The following SORCS1 variants were observed in gnomAD, a reference collection of about 807,000 sequenced individuals.
The protein encoded by SORCS1 is VPS10 domain-containing receptor SorCS1.
SORCS1 carries 60 observed loss-of-function variants against 146.1 expected under a neutral mutation model. The ratio of observed to expected loss-of-function variants is 0.41; its 90% confidence interval spans 0.33 to 0.51. The LOEUF (loss-of-function observed/expected upper bound fraction) is 0.51. Among genes scored for constraint, SORCS1 ranks in the 20% least tolerant of loss-of-function variants. SORCS1 has a pLI of 0.21. For synonymous variants in SORCS1, 637 were observed against 584.0 expected, an observed-to-expected ratio of 1.09 and a Z score of -1.31; for missense variants, 1,352 against 1,487.6, an observed-to-expected ratio of 0.91 and a Z score of 1.50.
At chr10:106,811,058 G>C (rs1452347579) in intron 3 of SORCS1, among the ~76,000 whole-genome samples, 2 of 151,588 alleles carry the variant, frequency 1.3e-5, no homozygotes, top group Non-Finnish European at 2.9e-5. Flanking sequence ...CTCTGCCTCA[G>C]CCTCCCAAGT....
At chr10:106,662,875 A>C (rs2135390973) in intron 17 of SORCS1, among the ~76,000 whole-genome samples, 1 of 152,212 alleles carries the variant, frequency 6.6e-6, no homozygotes, top group African/African-American at 2.4e-5. Flanking sequence ...TGAATCTCTA[A>C]TTTTTGGGAC....
intron 10 of SORCS1, among the ~76,000 whole-genome samples, chr10:106,684,362 C>G (rs1165012946): frequency 6.6e-6 from 1 of 152,082 alleles, no homozygotes; most frequent in Non-Finnish European, 1.5e-5. Context: ...GAAAAGAAAA[C>G]TGCCAGATGA....
intron 12 of SORCS1, among the ~76,000 whole-genome samples, chr10:106,678,753 C>T (rs777898263): frequency 6.6e-6 from 1 of 152,150 alleles, no homozygotes; most frequent in Non-Finnish European, 1.5e-5. Flanking sequence ...CTAACATATG[C>T]ATCCTGATGG....
intron 3 of SORCS1, among the ~76,000 whole-genome samples, chr10:106,807,761 G>A (rs536445852): frequency 6.6e-6 from 1 of 152,346 alleles, no homozygotes; most frequent in South Asian, 2.1e-4. Context: ...CTCCAACTAT[G>A]TTTGGGTCAA....
chr10:107,162,909 C>A (rs1005943864), intron 1 of SORCS1, among the ~76,000 whole-genome samples: 1 of 152,262 alleles, frequency 6.6e-6, no homozygotes, highest in East Asian at 1.9e-4. Flanking sequence ...CCCATTTTAC[C>A]CATCCTTGGT....
chr10:106,578,900 A>G (rs777446373), intron 25 of SORCS1: 3 of 1,417,566 alleles, frequency 2.1e-6, no homozygotes, highest in Non-Finnish European at 2.8e-6. Context: ...AAAAAACTAG[A>G]TAGAAGCAAG....
intron 1 of SORCS1, among the ~76,000 whole-genome samples, chr10:107,064,794 A>G (rs1303967179): frequency 2.6e-5 from 4 of 152,244 alleles, no homozygotes; most frequent in African/African-American, 4.8e-5. Context: ...ACAGATTAGA[A>G]GAATTAACTA....
intron 1 of SORCS1, among the ~76,000 whole-genome samples, chr10:107,056,049 T>C (rs1481514929): frequency 6.6e-6 from 1 of 152,166 alleles, no homozygotes; most frequent in Non-Finnish European, 1.5e-5. Flanking sequence ...CTTTATGACA[T>C]TTGGCAGAAA....
At chr10:106,609,562 A>G (rs6584757) in intron 22 of SORCS1, among the ~76,000 whole-genome samples, 105,037 of 152,072 alleles carry the variant, frequency 0.69, 38,575 homozygotes, top group Non-Finnish European at 0.82. Context: ...GCAAATTGCT[A>G]GGAACCAAGC....
chr10:106,622,064 G>A (rs187868339), intron 19 of SORCS1, among the ~76,000 whole-genome samples: 1 of 152,040 alleles, frequency 6.6e-6, no homozygotes, highest in Admixed American at 6.5e-5. Flanking sequence ...GGCCGAGTTG[G>A]GTGGATCATG....
intron 1 of SORCS1, among the ~76,000 whole-genome samples, chr10:107,072,713 T>C (rs1315461243): frequency 6.6e-6 from 1 of 150,712 alleles, no homozygotes; most frequent in Non-Finnish European, 1.5e-5. Flanking sequence ...AAATATTATA[T>C]ATTTATTCCT....
intron 1 of SORCS1, among the ~76,000 whole-genome samples, chr10:107,099,448 A>G (rs1159711582): frequency 6.6e-6 from 1 of 152,200 alleles, no homozygotes; most frequent in Non-Finnish European, 1.5e-5. Flanking sequence ...TCTATGTGCT[A>G]TGCATAGACC....
intron 1 of SORCS1, among the ~76,000 whole-genome samples, chr10:107,030,348 T>C (rs1055220308): frequency 1.3e-5 from 2 of 152,200 alleles, no homozygotes; most frequent in Non-Finnish European, 2.9e-5. Context: ...ATTATTTTTG[T>C]CCCTAAGTGA....
chr10:106,601,985 A>G (rs1419151020), intron 23 of SORCS1, among the ~76,000 whole-genome samples: 1 of 152,234 alleles, frequency 6.6e-6, no homozygotes, highest in Non-Finnish European at 1.5e-5. Flanking sequence ...CACAAAGAAC[A>G]CATTCAACAT....
At chr10:107,090,547 T>C (rs1235012784) in intron 1 of SORCS1, among the ~76,000 whole-genome samples, 2 of 152,176 alleles carry the variant, frequency 1.3e-5, no homozygotes, top group African/African-American at 4.8e-5. Context: ...TCTTCCAATA[T>C]TTTTGGAGAT....
intron 1 of SORCS1, among the ~76,000 whole-genome samples, chr10:107,122,171 G>T (rs1474755257): frequency 6.6e-6 from 1 of 152,180 alleles, no homozygotes; most frequent in East Asian, 1.9e-4. Context: ...CCGTTCAAAT[G>T]ACATTCTTAT....
intron 24 of SORCS1, among the ~76,000 whole-genome samples, chr10:106,596,170 T>A (rs1367850997): frequency 1.3e-5 from 2 of 152,164 alleles, no homozygotes; most frequent in Admixed American, 1.3e-4. Context: ...ACGTAGTCTC[T>A]CTCTCTATAA....
At chr10:106,904,763 T>C (rs1296126975) in intron 2 of SORCS1, among the ~76,000 whole-genome samples, 1 of 152,204 alleles carries the variant, frequency 6.6e-6, no homozygotes, top group African/African-American at 2.4e-5. Context: ...CCCATTTGTA[T>C]TGAGATATTC....
At chr10:106,655,554 T>A (rs1850220058) in intron 17 of SORCS1, among the ~76,000 whole-genome samples, 1 of 152,182 alleles carries the variant, frequency 6.6e-6, no homozygotes. Context: ...ACTGTTCTGA[T>A]CAATCATTAC....
Sources: gnomAD v4.1 joint callset for allele counts (sites outside exome capture counted in the v4.1 genomes callset) on GRCh38, gnomAD v4.1.1 for gene constraint, MANE v1.5 for transcripts, NCBI Gene and HGNC (gene_info 2026-07-23, HGNC 2026-07-21) for gene names.